Variants in ST3GAL6 observed in about 807,000 individuals in gnomAD.
ST3GAL6 encodes ST3 beta-galactoside alpha-2,3-sialyltransferase 6.
Under a neutral mutation model 40.5 loss-of-function variants are expected in ST3GAL6, and 31 were observed. The observed-to-expected ratio is 0.77, with a 90% CI of 0.58 to 1.03. The LOEUF is 1.03. Among genes scored for constraint, ST3GAL6 ranks in the 50% least tolerant of loss-of-function variants. The pLI is 0.00. For synonymous variants in ST3GAL6, 129 were observed against 136.9 expected (o/e 0.94, Z 0.40); for missense variants, 357 against 393.2 (o/e 0.91, Z 0.78).
chr3:98,748,712 C>T (rs1156763033), intron 1 of ST3GAL6, among the ~76,000 whole-genome samples: 4 of 152,096 alleles, frequency 2.6e-5, no homozygotes, highest in African/African-American at 7.2e-5. Context: ...GTGATCTGCC[C>T]GCCTTGGCCT....
chr3:98,751,674 A>T (rs1937017119), intron 1 of ST3GAL6, among the ~76,000 whole-genome samples: 1 of 152,206 alleles, frequency 6.6e-6, no homozygotes, highest in Admixed American at 6.5e-5. Flanking sequence ...GGAAACTACA[A>T]CCTTAAGCAA....
rs1940898253 is a variant in ST3GAL6, at chr3:98,788,129, T to A, written c.525T>A (p.Pro175=). The A allele has an allele frequency of 6.2e-7, 1 of 1,614,098 alleles. No individual in the cohort carries two copies. The highest frequency in any genetic ancestry group is 8.5e-7 in the Non-Finnish European group (1 of 1,179,986). Residue 175 remains proline (P), a synonymous_variant, in exon 7 of 10, where the codon CCT becomes CCA. Coordinates refer to ENST00000483910, the MANE Select transcript of ST3GAL6 (RefSeq NM_001323368.2). ...ATCCAGAATCTGTTTTTTCAGATCCTATTCACAATGACCCTAATACGACAG... is the reference window on the plus strand; with the variant it reads ...ATCCAGAATCTGTTTTTTCAGATCCAATTCACAATGACCCTAATACGACAG... ...LFYPESVFSD[P]IHNDPNTTVI...
intron 1 of ST3GAL6, among the ~76,000 whole-genome samples, chr3:98,739,725 G>C (rs1935901790): frequency 6.6e-6 from 1 of 152,150 alleles, no homozygotes. Context: ...AAGAATAAAA[G>C]GAGATTGTAG....
In ST3GAL6 at chr3:98,739,555, A is replaced by C. The variant is rs570637303; in HGVS notation, c.-12+7023A>C. On this transcript the variant is annotated intron_variant, in intron 1 of 9. Transcript: ENST00000265261. ...TAGTGGGGTTTTCAGCTTAGGAAAT[A>C]TTCCATTACAAATATTTAGGCAGGA... 2.0e-5 allele frequency among the ~76,000 whole-genome samples: 3 copies of C among 152,350 alleles called. No individual in the cohort carries two copies. The South Asian group carries it at 6.2e-4, about 32-fold the overall frequency.
chr3:98,749,135 A>G (rs1936786270), intron 1 of ST3GAL6, among the ~76,000 whole-genome samples: 1 of 152,260 alleles, frequency 6.6e-6, no homozygotes, highest in Admixed American at 6.5e-5. Context: ...GAAGAAATCA[A>G]CAAAGTTACC....
At chr3:98,736,028 C>A (rs757725177) in intron 1 of ST3GAL6, among the ~76,000 whole-genome samples, 1 of 152,144 alleles carries the variant, frequency 6.6e-6, no homozygotes, top group Non-Finnish European at 1.5e-5. Context: ...TAAAAGATAA[C>A]AGGATCAGTA....
chr3:98,789,607 C>A (rs940053770), intron 8 of ST3GAL6, among the ~76,000 whole-genome samples: 10 of 151,820 alleles, frequency 6.6e-5, no homozygotes, highest in African/African-American at 1.9e-4. Context: ...GGTTTTCTGC[C>A]CATTTGTCGG....
chr3:98,781,166 A>G (rs1038038719), intron 5 of ST3GAL6, among the ~76,000 whole-genome samples: 2 of 152,216 alleles, frequency 1.3e-5, no homozygotes, highest in African/African-American at 4.8e-5. Context: ...GAATGAGTTC[A>G]TGTCCTTTGC....
In ST3GAL6 at chr3:98,795,675, G is replaced by A. The variant is rs1426901341; in HGVS notation, c.*1914G>A. On this transcript the variant is annotated 3_prime_UTR_variant, in exon 10 of 10. Coordinates refer to ENST00000483910, the MANE Select transcript of ST3GAL6 (RefSeq NM_001323368.2). ...AGGACTGCGGCGGGGGGAGCGAGGG[G>A]AGCGGGGAGGGCAAGGGCTGAAAGA... 1 of 152,194 alleles carries A rather than the reference G, an allele frequency of 6.6e-6. No homozygotes were observed. Among genetic ancestry groups the A allele is most frequent in the Non-Finnish European group, 1.5e-5 (1 of 68,088 alleles). 9.4% of individuals were successfully genotyped at this position (152,194 alleles called of 1,614,324 possible). A position where few individuals can be genotyped will look rare whatever the true frequency, so the allele number is the denominator to read the frequency against.
rs1166398668 is a variant in ST3GAL6, at chr3:98,795,582, A to AAATC, written c.*1823_*1826dup. On this transcript the variant is annotated 3_prime_UTR_variant, in exon 10 of 10. Coordinates refer to ENST00000483910, the MANE Select transcript of ST3GAL6 (RefSeq NM_001323368.2). ...TGCTGAAGTTCAATTGATATAAAGT[A>AAATC]AATCAGGCTTCAAAAAGAATGGTGC... 2 of 152,204 alleles carry AAATC rather than the reference A, an allele frequency of 1.3e-5. No homozygotes were observed. The highest frequency in any genetic ancestry group is 6.5e-5 in the Admixed American group (1 of 15,274). The allele number at this position is 152,204 out of a possible 1,614,324, so 9.4% of individuals were successfully genotyped here.
chr3:98,744,638 C>T (rs1475720040), intron 1 of ST3GAL6, among the ~76,000 whole-genome samples: 1 of 152,136 alleles, frequency 6.6e-6, no homozygotes, highest in Non-Finnish European at 1.5e-5. Flanking sequence ...CCCTTCTGCA[C>T]CTTGCCTGGG....
intron 1 of ST3GAL6, among the ~76,000 whole-genome samples, chr3:98,743,000 CTTTT>C (rs71120599): frequency 4.5e-5 from 4 of 89,484 alleles, no homozygotes; most frequent in African/African-American, 1.8e-4. Context: ...ATGCCAGGCT[CTTTT>C]TTTTTTTTTT....
upstream of ST3GAL6, among the ~76,000 whole-genome samples, chr3:98,761,774 G>T (rs1306092573): frequency 6.6e-6 from 1 of 152,134 alleles, no homozygotes; most frequent in East Asian, 1.9e-4. Flanking sequence ...TAAACAGTAG[G>T]AACAAAAGAA....
upstream of ST3GAL6, among the ~76,000 whole-genome samples, chr3:98,762,193 G>A (rs1322627089): frequency 6.6e-6 from 1 of 152,170 alleles, no homozygotes; most frequent in Non-Finnish European, 1.5e-5. Context: ...CAGAAGAGTT[G>A]GGGGAGGAGA....
At chr3:98,751,089 T>C (rs1936977845) in intron 1 of ST3GAL6, among the ~76,000 whole-genome samples, 1 of 151,634 alleles carries the variant, frequency 6.6e-6, no homozygotes, top group South Asian at 2.1e-4. Flanking sequence ...TTGCCCAGGC[T>C]GAAATTCAGT....
intron 2 of ST3GAL6, among the ~76,000 whole-genome samples, chr3:98,768,802 A>G (rs1938653898): frequency 6.6e-6 from 1 of 152,190 alleles, no homozygotes; most frequent in Non-Finnish European, 1.5e-5. Flanking sequence ...TTTATGCTAT[A>G]GATCATCTCC....
chr3:98,793,124 A>G (rs1202423678), intron 9 of ST3GAL6, among the ~76,000 whole-genome samples: 1 of 152,112 alleles, frequency 6.6e-6, no homozygotes, highest in Non-Finnish European at 1.5e-5. Context: ...GAGGTACCCC[A>G]ACAGACTTTG....
chr3:98,763,423 C>T lies in ST3GAL6; in HGVS notation c.-28C>T, dbSNP rs748054745. Reference sequence around the variant, plus strand: ...TGGACACAGGTGTCAGCAGGGCCACCTGGTAAAGGTATGGAGGTGAGCCAT... The same window carrying T: ...TGGACACAGGTGTCAGCAGGGCCACTTGGTAAAGGTATGGAGGTGAGCCAT... On this transcript the variant is annotated 5_prime_UTR_variant, in exon 1 of 10. Coordinates refer to ENST00000483910, the MANE Select transcript of ST3GAL6 (RefSeq NM_001323368.2). The T allele has an allele frequency of 2.8e-5, 36 of 1,289,712 alleles. No homozygotes were observed. The highest frequency in any genetic ancestry group is 3.6e-5 in the Non-Finnish European group (36 of 988,850). 79.9% of individuals were successfully genotyped at this position (1,289,712 alleles called of 1,614,324 possible).
At chr3:98,793,318 C>T (rs1453062600) in intron 9 of ST3GAL6, among the ~76,000 whole-genome samples, 2 of 152,168 alleles carry the variant, frequency 1.3e-5, no homozygotes, top group Non-Finnish European at 2.9e-5. Context: ...TATCTCCAGG[C>T]TGATTTTGTT....
Sources: gnomAD v4.1 joint callset for allele counts (sites outside exome capture counted in the v4.1 genomes callset) on GRCh38, gnomAD v4.1.1 for gene constraint, MANE v1.5 for transcripts, NCBI Gene and HGNC (gene_info 2026-07-23, HGNC 2026-07-21) for gene names.